Variants in ARHGAP10 observed in about 807,000 individuals in gnomAD.
The protein encoded by ARHGAP10 is Rho GTPase activating protein 10, also known as rho GTPase-activating protein 10.
ARHGAP10 carries 87 observed loss-of-function variants against 108.6 expected under a neutral mutation model. The ratio of observed to expected loss-of-function variants is 0.80; its 90% CI spans 0.67 to 0.96. The LOEUF (loss-of-function observed/expected upper bound fraction) is 0.96, where lower values mean the gene tolerates loss of function less well. Ranked by LOEUF, ARHGAP10 falls within the 40% of genes least tolerant of loss-of-function variation. The pLI is 0.00. For missense variants in ARHGAP10, 939 were observed against 954.5 expected (o/e 0.98, Z 0.21); for synonymous variants, 347 against 341.1 (o/e 1.02, Z -0.19).
At chr4:147,837,432 G>T (rs1051192388) in intron 3 of ARHGAP10, among the ~76,000 whole-genome samples, 1 of 152,098 alleles carries the variant, frequency 6.6e-6, no homozygotes, top group African/African-American at 2.4e-5. Context: ...AGGGTATTGG[G>T]TTTCTTGTAG....
chr4:148,063,251 C>A lies in ARHGAP10; in HGVS notation c.2131C>A (p.Pro711Thr), dbSNP rs746062884. Residue 711 changes from proline to threonine, a missense_variant, in exon 21 of 23, where the codon CCT becomes ACT. Coordinates refer to ENST00000336498, the MANE Select transcript of ARHGAP10 (RefSeq NM_024605.4). ...GACACCTCTTTCACCCGGGTCGTCC[C>A]CTTTCCCCTTTTCTCCTCCTGCTAC... is the stretch of plus-strand genomic sequence containing the variant. ...AVTPLSPGSS[P>T]FPFSPPATVA... 3 of 1,614,190 alleles carry A rather than the reference C, an allele frequency of 1.9e-6. No individual in the cohort carries two copies. Among genetic ancestry groups the A allele is most frequent in the Middle Eastern group, 1.6e-4 (1 of 6,062 alleles).
chr4:148,056,448 C>G (rs751725696), intron 20 of ARHGAP10, among the ~76,000 whole-genome samples: 6 of 152,116 alleles, frequency 3.9e-5, no homozygotes, highest in Non-Finnish European at 8.8e-5. Context: ...TATAATGTAT[C>G]ATTTAAAATA....
chr4:147,813,859 C>G (rs951739472), intron 1 of ARHGAP10, among the ~76,000 whole-genome samples: 2 of 152,184 alleles, frequency 1.3e-5, no homozygotes, highest in South Asian at 2.1e-4. Flanking sequence ...CCTTTCCCAT[C>G]GAAAGGATTA....
chr4:148,026,487 C>T (rs1328065799), intron 19 of ARHGAP10, among the ~76,000 whole-genome samples: 2 of 152,118 alleles, frequency 1.3e-5, no homozygotes, highest in East Asian at 3.8e-4. Context: ...AGACTTCCAT[C>T]GGCATTGGCG....
At chr4:147,763,183 GTT>G (rs915552055) in intron 1 of ARHGAP10, among the ~76,000 whole-genome samples, 1 of 148,502 alleles carries the variant, frequency 6.7e-6, no homozygotes, top group Admixed American at 6.6e-5. Flanking sequence ...GAAAATGACT[GTT>G]TTTTTGTTAT....
intron 1 of ARHGAP10, among the ~76,000 whole-genome samples, chr4:147,758,843 G>T (rs1199441731): frequency 6.6e-6 from 1 of 151,800 alleles, no homozygotes; most frequent in Admixed American, 6.6e-5. Flanking sequence ...GTTGGGGGTG[G>T]TGGTGCGTGC....
intron 22 of ARHGAP10, 135 bp downstream of exon 22, chr4:148,064,642 G>A (rs1298002780): frequency 2.9e-6 from 2 of 695,742 alleles, no homozygotes; most frequent in Non-Finnish European, 4.6e-6. Flanking sequence ...ACTGGATTAA[G>A]CGGCTGCGTT....
chr4:147,888,089 CA>C (rs1293458905), intron 10 of ARHGAP10, among the ~76,000 whole-genome samples: 1 of 152,126 alleles, frequency 6.6e-6, no homozygotes, highest in Non-Finnish European at 1.5e-5. Context: ...AAGGACATCA[CA>C]CTCCCTCTCG....
At chr4:147,878,679 C>G (rs1266418403) in intron 8 of ARHGAP10, among the ~76,000 whole-genome samples, 2 of 151,872 alleles carry the variant, frequency 1.3e-5, no homozygotes, top group Non-Finnish European at 2.9e-5. Flanking sequence ...GTTGATTTTT[C>G]TAGCAAACTA....
At chr4:147,821,616 C>T (rs946385531) in intron 1 of ARHGAP10, among the ~76,000 whole-genome samples, 2 of 152,130 alleles carry the variant, frequency 1.3e-5, no homozygotes, top group Non-Finnish European at 2.9e-5. Flanking sequence ...AGGCTGTGCA[C>T]GTGGTGGAGC....
chr4:147,788,452 GA>G (rs1017249349), intron 1 of ARHGAP10, among the ~76,000 whole-genome samples: 4 of 147,702 alleles, frequency 2.7e-5, no homozygotes, highest in Non-Finnish European at 4.5e-5. Flanking sequence ...TTCTCAAAAA[GA>G]AAAAAAAAAG....
At chr4:147,769,202 G>A (rs1442596540) in intron 1 of ARHGAP10, among the ~76,000 whole-genome samples, 1 of 152,142 alleles carries the variant, frequency 6.6e-6, no homozygotes, top group Non-Finnish European at 1.5e-5. Context: ...CTGGTCATTA[G>A]TGAAATTACT....
At chr4:148,000,633 A>G (rs1331888621) in intron 18 of ARHGAP10, among the ~76,000 whole-genome samples, 1 of 152,114 alleles carries the variant, frequency 6.6e-6, no homozygotes, top group Non-Finnish European at 1.5e-5. Flanking sequence ...CTGGTGTGAG[A>G]TGGTATCTCA....
intron 8 of ARHGAP10, among the ~76,000 whole-genome samples, chr4:147,877,170 G>A (rs572625303): frequency 6.6e-6 from 1 of 152,216 alleles, no homozygotes; most frequent in South Asian, 2.1e-4. Context: ...CAGGCATTTG[G>A]GCTAAGCTTA....
At chr4:147,913,383 T>A (rs1736833589) in intron 13 of ARHGAP10, among the ~76,000 whole-genome samples, 1 of 152,236 alleles carries the variant, frequency 6.6e-6, no homozygotes. Context: ...TGTCTTAGTC[T>A]GTTAGATCTG....
intron 13 of ARHGAP10, among the ~76,000 whole-genome samples, chr4:147,930,316 T>G (rs1395195696): frequency 6.6e-6 from 1 of 152,248 alleles, no homozygotes; most frequent in Non-Finnish European, 1.5e-5. Flanking sequence ...CTGTCATGTA[T>G]TTTATTTCCG....
chr4:147,821,855 C>T (rs1374037012), intron 1 of ARHGAP10, among the ~76,000 whole-genome samples: 1 of 152,250 alleles, frequency 6.6e-6, no homozygotes, highest in Admixed American at 6.5e-5. Flanking sequence ...TTGTATACTG[C>T]TCAGGCCATG....
chr4:147,838,767 C>T (rs1259266620), intron 3 of ARHGAP10, among the ~76,000 whole-genome samples: 1 of 152,112 alleles, frequency 6.6e-6, no homozygotes, highest in Non-Finnish European at 1.5e-5. Context: ...TTTAATGTAA[C>T]CACTGATCTT....
At chr4:147,846,129 C>A (rs1002202884) in intron 3 of ARHGAP10, among the ~76,000 whole-genome samples, 24 of 152,120 alleles carry the variant, frequency 1.6e-4, no homozygotes, top group African/African-American at 5.3e-4. Flanking sequence ...AAAGTTGAAA[C>A]TGAGCATCCT....
Sources: gnomAD v4.1 joint callset for allele counts (sites outside exome capture counted in the v4.1 genomes callset) on GRCh38, gnomAD v4.1.1 for gene constraint, MANE v1.5 for transcripts, NCBI Gene and HGNC (gene_info 2026-07-23, HGNC 2026-07-21) for gene names.